ABLIM1: variants seen among roughly 807,000 people sequenced by gnomAD.
The protein encoded by ABLIM1 is actin binding LIM protein 1, also known as actin-binding LIM protein 1.
A neutral mutation model predicts 107.0 loss-of-function variants in ABLIM1; 40 were observed. The ratio of observed to expected loss-of-function variants is 0.37; its 90% CI spans 0.29 to 0.49. ABLIM1 has a LOEUF of 0.49. Among genes scored for constraint, ABLIM1 ranks in the 20% least tolerant of loss-of-function variants. The probability of loss-of-function intolerance (pLI) is 0.97; values close to 1 mark genes in which losing one functional copy is unlikely to be tolerated. For synonymous variants in ABLIM1, 357 were observed against 357.3 expected (o/e 1.00, Z 0.01); for missense variants, 857 against 1,008.5 (o/e 0.85, Z 2.04).
At chr10:114,787,663 G>A in the ABLIM1 span, among the ~76,000 whole-genome samples, 1 of 139,026 alleles carries the variant, frequency 7.2e-6, no homozygotes, top group Non-Finnish European at 1.6e-5. Flanking sequence ...TGGGAAGTGA[G>A]GAGCCCCTCT....
At chr10:114,757,909 C>T (rs184426300) in intron 1 of ABLIM1, among the ~76,000 whole-genome samples, 23 of 152,078 alleles carry the variant, frequency 1.5e-4, no homozygotes, top group Non-Finnish European at 2.9e-4. Context: ...TCATCTCCAT[C>T]CCTCTCCCGT....
intron 20 of ABLIM1, 185 bp downstream of exon 20, chr10:114,439,897 G>T (rs1352945944): frequency 1.3e-5 from 13 of 1,003,456 alleles, no homozygotes; most frequent in Non-Finnish European, 1.9e-5. Context: ...CCCAAGGCCT[G>T]CAGGGACAGC....
chr10:114,446,871 G>A (rs2061097701), intron 15 of ABLIM1, among the ~76,000 whole-genome samples: 1 of 152,092 alleles, frequency 6.6e-6, no homozygotes, highest in South Asian at 2.1e-4. Flanking sequence ...AAATCAATAG[G>A]CACAAGTTTG....
intron 6 of ABLIM1, among the ~76,000 whole-genome samples, chr10:114,505,010 C>G (rs1039586898): frequency 2.6e-5 from 4 of 152,102 alleles, no homozygotes; most frequent in Non-Finnish European, 5.9e-5. Flanking sequence ...CAAACACTTA[C>G]CTAGAATTCT....
intron 1 of ABLIM1, among the ~76,000 whole-genome samples, chr10:114,626,857 A>T (rs946700076): frequency 1.3e-5 from 2 of 152,224 alleles, no homozygotes; most frequent in Non-Finnish European, 2.9e-5. Context: ...ACATGGAGTC[A>T]GATAGGCACA....
chr10:114,488,370 A>T (rs1482589525), intron 7 of ABLIM1, among the ~76,000 whole-genome samples: 2 of 152,178 alleles, frequency 1.3e-5, no homozygotes, highest in African/African-American at 4.8e-5. Flanking sequence ...TACAAGCTGC[A>T]TTTAATTTAA....
intron 1 of ABLIM1, among the ~76,000 whole-genome samples, chr10:114,651,211 T>C (rs10787544): frequency 0.32 from 48,135 of 152,082 alleles, 8,678 homozygotes; most frequent in Non-Finnish European, 0.42. Context: ...CATTTACTCA[T>C]CACTCACAGC....
At chr10:114,539,894 G>A (rs557420337) in intron 6 of ABLIM1, among the ~76,000 whole-genome samples, 29 of 152,004 alleles carry the variant, frequency 1.9e-4, no homozygotes, top group African/African-American at 4.8e-4. Context: ...GAAGGGGGAG[G>A]AGGAGGGGAG....
At chr10:114,446,822 T>C (rs1198305891) in intron 15 of ABLIM1, among the ~76,000 whole-genome samples, 1 of 152,214 alleles carries the variant, frequency 6.6e-6, no homozygotes, top group Non-Finnish European at 1.5e-5. Flanking sequence ...CAATTATAAA[T>C]GTCAGTGTGA....
chr10:114,558,512 G>A (rs1286297828), intron 4 of ABLIM1, among the ~76,000 whole-genome samples: 1 of 152,142 alleles, frequency 6.6e-6, no homozygotes, highest in Non-Finnish European at 1.5e-5. Context: ...GGACTCAATG[G>A]CTGATCTGAT....
intron 2 of ABLIM1, among the ~76,000 whole-genome samples, chr10:114,601,504 G>A (rs900737550): frequency 1.1e-4 from 17 of 152,026 alleles, no homozygotes; most frequent in African/African-American, 1.7e-4. Flanking sequence ...GACCTCAGGC[G>A]ATCCACCCGC....
At position 114,494,899 on chromosome 10, in the gene ABLIM1, T is replaced by A. The variant is rs1175019279; in HGVS notation, c.895-3021A>T. On this transcript the variant is annotated intron_variant, in intron 6 of 22. Coordinates refer to ENST00000533213, the MANE Select transcript of ABLIM1 (RefSeq NM_002313.7). The stretch of plus-strand genomic sequence containing the variant: ...AATAGAACTTACCCCACGCAGTTGA[T>A]GAGAGCACTATTAGGAACCTAGTAT... Among the ~76,000 whole-genome samples the A allele has an allele frequency of 2.6e-5, 4 of 152,306 alleles. No homozygotes were observed. The South Asian group carries it at 8.3e-4, about 32-fold the overall frequency.
chr10:114,598,774 C>T (rs2075705080), intron 2 of ABLIM1, among the ~76,000 whole-genome samples: 1 of 151,922 alleles, frequency 6.6e-6, no homozygotes, highest in Non-Finnish European at 1.5e-5. Flanking sequence ...TTAACTACAC[C>T]TTTCCCTTTT....
At position 114,608,045 on chromosome 10, in the gene ABLIM1, T is replaced by TA. The variant is rs1397163850; in HGVS notation, c.245-6085dup. Among the ~76,000 whole-genome samples the TA allele has an allele frequency of 5.3e-5, 8 of 152,238 alleles. No individual in the cohort carries two copies. The East Asian group carries it at 1.5e-3, about 29-fold the overall frequency. On this transcript the variant is annotated intron_variant, in intron 1 of 22. Coordinates refer to ENST00000533213, the MANE Select transcript of ABLIM1 (RefSeq NM_002313.7). ...CCTGTATTATCTTCTCAATTTTTTT[T>TA]ATTCACCTAAAATGGTTTTAAGAAA...
intron 8 of ABLIM1, among the ~76,000 whole-genome samples, chr10:114,484,846 A>G (rs778083725): frequency 2.7e-4 from 41 of 152,320 alleles, no homozygotes; most frequent in Admixed American, 4.6e-4. Flanking sequence ...TCTCCCAGGA[A>G]GCGACCCTGG....
chr10:114,485,525 T>A (rs1033641436), intron 8 of ABLIM1: 11 of 719,852 alleles, frequency 1.5e-5, no homozygotes, highest in Non-Finnish European at 2.2e-5. Context: ...CTTTCATTGA[T>A]GTACATGTGG....
intron 6 of ABLIM1, among the ~76,000 whole-genome samples, chr10:114,501,718 G>T (rs1016391544): frequency 6.6e-6 from 1 of 152,098 alleles, no homozygotes; most frequent in African/African-American, 2.4e-5. Flanking sequence ...TGAAAAATTG[G>T]GTGGAACCTG....
At chr10:114,602,593 T>C (rs2076102418) in intron 1 of ABLIM1, among the ~76,000 whole-genome samples, 1 of 152,236 alleles carries the variant, frequency 6.6e-6, no homozygotes, top group South Asian at 2.1e-4. Flanking sequence ...AGCCTCCCAT[T>C]ATGTGCATAG....
intron 6 of ABLIM1, among the ~76,000 whole-genome samples, chr10:114,539,302 G>A (rs138945801): frequency 1.2e-4 from 19 of 152,260 alleles, no homozygotes; most frequent in African/African-American, 4.1e-4. Context: ...GGGGTGCAGT[G>A]AGCTGAGATC....
Sources: gnomAD v4.1 joint callset for allele counts (sites outside exome capture counted in the v4.1 genomes callset) on GRCh38, gnomAD v4.1.1 for gene constraint, MANE v1.5 for transcripts, NCBI Gene and HGNC (gene_info 2026-07-23, HGNC 2026-07-21) for gene names.